The following ATL3 variants were observed in gnomAD, a reference collection of about 807,000 sequenced individuals.
ATL3 encodes the protein atlastin GTPase 3.
In ATL3, 49 loss-of-function variants were observed where a neutral mutation model predicts 69.5. The observed-to-expected ratio is 0.71, with a 90% CI of 0.56 to 0.89. The LOEUF is 0.89. ATL3 is among the 40% of genes least tolerant of loss of function. The pLI is 0.00. For missense variants in ATL3, 606 were observed against 645.7 expected, an observed-to-expected ratio of 0.94 and a Z score of 0.67; for synonymous variants, 214 against 224.1, an observed-to-expected ratio of 0.95 and a Z score of 0.40.
chr11:63,651,356 A>G (rs1940072656), intron 5 of ATL3, among the ~76,000 whole-genome samples: 1 of 152,026 alleles, frequency 6.6e-6, no homozygotes, highest in African/African-American at 2.4e-5. Flanking sequence ...CAGTGAGCCA[A>G]GATTGCATCA....
chr11:63,632,677 G>C, intron 11 of ATL3: 1 of 1,234,568 alleles, frequency 8.1e-7, no homozygotes, highest in East Asian at 2.3e-5. Flanking sequence ...AGTGATTTTG[G>C]ATTTTTATGT....
At chr11:63,664,267 G>A (rs766357102) in intron 1 of ATL3, among the ~76,000 whole-genome samples, 3 of 152,030 alleles carry the variant, frequency 2.0e-5, no homozygotes, top group Non-Finnish European at 2.9e-5. Flanking sequence ...GGCCAGCCTC[G>A]GTGGCCCATG....
intron 1 of ATL3, among the ~76,000 whole-genome samples, chr11:63,659,655 C>CA (rs923619355): frequency 9.9e-5 from 15 of 152,038 alleles, no homozygotes; most frequent in Non-Finnish European, 1.6e-4. Context: ...CATAAAAGGG[C>CA]AGGGCACAGT....
intron 11 of ATL3, chr11:63,632,647 CTTT>C: frequency 9.8e-7 from 1 of 1,024,812 alleles, no homozygotes; most frequent in South Asian, 1.3e-5. Context: ...GACGAATCTT[CTTT>C]TAAGATTCGG....
chr11:63,642,938 G>A (rs1939746774), intron 8 of ATL3, among the ~76,000 whole-genome samples: 1 of 152,206 alleles, frequency 6.6e-6, no homozygotes, highest in East Asian at 1.9e-4. Flanking sequence ...AGCACTTCCT[G>A]ATATTAGCAC....
intron 8 of ATL3, among the ~76,000 whole-genome samples, chr11:63,639,319 A>C (rs1239743886): frequency 6.6e-6 from 1 of 152,258 alleles, no homozygotes. Context: ...AAACCTTTGC[A>C]GAGCTAGTAA....
chr11:63,661,216 G>T, intron 1 of ATL3, among the ~76,000 whole-genome samples: 1 of 148,564 alleles, frequency 6.7e-6, no homozygotes, highest in African/African-American at 2.5e-5. Flanking sequence ...AGTGAGACTT[G>T]GTCTCAAAAA....
At chr11:63,654,115 CCTGAAAACCTAAAACAAAATAAA>C (rs1565279437) in intron 3 of ATL3, among the ~76,000 whole-genome samples, 1 of 151,760 alleles carries the variant, frequency 6.6e-6, no homozygotes, top group Non-Finnish European at 1.5e-5. Context: ...AATTAATTTT[CCTGAAAACCTAAAACAAAATAAA>C]GATACAATTT....
Position 63,659,183 on chromosome 11 carries a change from A to G in ATL3, c.116T>C (p.Phe39Ser). The change falls in exon 2 of 13, where the codon TTT becomes TCT. Residue 39 changes from phenylalanine (F) to serine (S), a missense_variant. By Grantham distance (155) the Phe-to-Ser change is radical (BLOSUM62 -2). Transcript: ENST00000398868. The part of the protein sequence containing the change: ...VVLVQKDQHS[F>S]ELDEKALASI... ...GGCCAAGGCTTTCTCATCTAGCTCAAAGGAATGTTGATCTTTCTGAACCAA... is the reference window on the plus strand; with the variant it reads ...GGCCAAGGCTTTCTCATCTAGCTCAGAGGAATGTTGATCTTTCTGAACCAA... The G allele has an allele frequency of 6.2e-7, 1 of 1,614,130 alleles. No homozygotes were observed. Among genetic ancestry groups the G allele is most frequent in the African/African-American group, 1.3e-5 (1 of 75,020 alleles).
chr11:63,653,477 C>A (rs528296047), intron 3 of ATL3, among the ~76,000 whole-genome samples: 19 of 150,628 alleles, frequency 1.3e-4, no homozygotes, highest in Non-Finnish European at 2.2e-4. Flanking sequence ...AAAAAAAAAA[C>A]CAAAACTCTT....
chr11:63,643,591 A>T, intron 7 of ATL3, 96 bp from the exon 8 acceptor site: 1 of 1,136,910 alleles, frequency 8.8e-7, no homozygotes, highest in Admixed American at 2.5e-5. Flanking sequence ...AGACTCCTCA[A>T]CTCTGATGGA....
At position 63,629,257 on chromosome 11, in the gene ATL3, G is replaced by T; in HGVS notation, c.*62C>A. 1 of 1,386,100 alleles carries T rather than the reference G, an allele frequency of 7.2e-7. No individual in the cohort carries two copies. Among genetic ancestry groups the T allele is most frequent in the Non-Finnish European group, 1.0e-6 (1 of 973,508 alleles). The allele number at this position is 1,386,100 out of a possible 1,614,324, so 85.9% of individuals were successfully genotyped here. A position where few individuals can be genotyped will look rare whatever the true frequency, so the allele number is the denominator to read the frequency against. On this transcript the variant is annotated 3_prime_UTR_variant, in exon 13 of 13. Transcript: ENST00000398868. Reference sequence around the variant, plus strand: ...CCTCTGGATATGAACCTGTGGCCGTGGCAGAAACCCAGAAATCAGTAGGGG... The same window carrying T: ...CCTCTGGATATGAACCTGTGGCCGTTGCAGAAACCCAGAAATCAGTAGGGG...
chr11:63,645,548 G>A (rs1236589029), intron 6 of ATL3, among the ~76,000 whole-genome samples: 1 of 148,822 alleles, frequency 6.7e-6, no homozygotes, highest in Admixed American at 6.7e-5. Flanking sequence ...TGCAGAGAGA[G>A]AGAGAGAGAG....
rs1939296316 is a variant in ATL3 at position 63,631,049 on chromosome 11, C to T, written c.1530G>A (p.Val510=). 2 of 1,610,088 alleles carry T rather than the reference C, an allele frequency of 1.2e-6. No individual in the cohort carries two copies. Among genetic ancestry groups the T allele is most frequent in the Admixed American group, 1.7e-5 (1 of 59,774 alleles). ...GGAIDFGAAY[V]LEQASSHIGN... ...CAGCAGCACCACTTACCTGCTCCAA[C>T]ACATATGCGGCACCAAAATCAATAG... The change falls in exon 12 of 13, where the codon GTG becomes GTA. Residue 510 remains valine, a synonymous_variant. Coordinates refer to ENST00000398868, the MANE Select transcript of ATL3 (RefSeq NM_015459.5).
chr11:63,666,837 A>C (rs1940586769), intron 1 of ATL3, among the ~76,000 whole-genome samples: 1 of 152,190 alleles, frequency 6.6e-6, no homozygotes, highest in Non-Finnish European at 1.5e-5. Flanking sequence ...CTAATTCTGC[A>C]TACTGCAACA....
chr11:63,652,150 A>G (rs542730325), intron 4 of ATL3, among the ~76,000 whole-genome samples, 164 bp from the exon 5 acceptor site: 69 of 152,350 alleles, frequency 4.5e-4, no homozygotes, highest in African/African-American at 1.6e-3. Context: ...AACTATGCAC[A>G]TAAGATTGAA....
At chr11:63,638,489 G>C (rs1362379873) in intron 8 of ATL3, among the ~76,000 whole-genome samples, 2 of 152,298 alleles carry the variant, frequency 1.3e-5, no homozygotes, top group East Asian at 3.9e-4. Flanking sequence ...CAGATTGCTT[G>C]AGGCCAGGAG....
At chr11:63,653,640 G>C (rs747424273) in intron 3 of ATL3, among the ~76,000 whole-genome samples, 4 of 152,178 alleles carry the variant, frequency 2.6e-5, no homozygotes, top group Non-Finnish European at 4.4e-5. Context: ...CCTTCATAAT[G>C]TAGAATACTA....
chr11:63,640,922 CTTAT>C (rs1939681096), intron 8 of ATL3, among the ~76,000 whole-genome samples: 1 of 152,090 alleles, frequency 6.6e-6, no homozygotes, highest in African/African-American at 2.4e-5. Flanking sequence ...TTTTTATCCA[CTTAT>C]TTAAATAGTT....
Sources: gnomAD v4.1 joint callset for allele counts (sites outside exome capture counted in the v4.1 genomes callset) on GRCh38, gnomAD v4.1.1 for gene constraint, MANE v1.5 for transcripts, NCBI Gene and HGNC (gene_info 2026-07-23, HGNC 2026-07-21) for gene names.